Variants in YWHAE observed in about 807,000 individuals in gnomAD.
YWHAE encodes 14-3-3 protein epsilon.
In YWHAE, 4 loss-of-function variants were observed where a neutral mutation model predicts 30.1. The observed-to-expected ratio is 0.13, with a 90% CI of 0.07 to 0.30. The LOEUF is 0.30. Ranked by LOEUF, YWHAE falls within the 10% of genes least tolerant of loss-of-function variation. The pLI, the probability that YWHAE is intolerant of heterozygous loss-of-function variation, is 1.00. For synonymous variants in YWHAE, 118 were observed against 111.8 expected (o/e 1.06, Z -0.35); for missense variants, 121 against 315.9 (o/e 0.38, Z 4.68).
intron 1 of YWHAE, among the ~76,000 whole-genome samples, chr17:1,368,506 C>G (rs976719407): frequency 2.7e-4 from 40 of 149,524 alleles, no homozygotes; most frequent in African/African-American, 8.2e-4. Context: ...AGGGGTTGCA[C>G]TGAGCTGAGA....
At chr17:1,396,008 C>T (rs891539958) in intron 1 of YWHAE, among the ~76,000 whole-genome samples, 2 of 151,976 alleles carry the variant, frequency 1.3e-5, no homozygotes, top group African/African-American at 4.8e-5. Flanking sequence ...ATCCCAGCTA[C>T]TCTTGGAGGC....
chr17:1,397,057 G>A (rs377280052), intron 1 of YWHAE, among the ~76,000 whole-genome samples: 83 of 151,084 alleles, frequency 5.5e-4, no homozygotes, highest in Middle Eastern at 6.8e-3. Flanking sequence ...CAGTAGCTAT[G>A]CCCGGATAAT....
In YWHAE at chr17:1,345,074, C is replaced by T. The variant is rs965726678; in HGVS notation, c.*373G>A. On this transcript the variant is annotated 3_prime_UTR_variant, in exon 6 of 6. Coordinates refer to ENST00000264335, the MANE Select transcript of YWHAE (RefSeq NM_006761.5). Reference sequence around the variant, plus strand: ...TATGCCTCTATAGTGTGATTAACCTCTCTCTTAGATGCTTGCATCACCTAT... The same window carrying T: ...TATGCCTCTATAGTGTGATTAACCTTTCTCTTAGATGCTTGCATCACCTAT... 2 of 283,978 alleles carry T rather than the reference C, an allele frequency of 7.0e-6. No individual in the cohort carries two copies. Among genetic ancestry groups the T allele is most frequent in the Admixed American group, 9.6e-5 (2 of 20,770 alleles). 17.6% of individuals were successfully genotyped at this position (283,978 alleles called of 1,614,324 possible).
chr17:1,350,078 C>T (rs1317186317), intron 5 of YWHAE, among the ~76,000 whole-genome samples: 1 of 151,606 alleles, frequency 6.6e-6, no homozygotes, highest in Non-Finnish European at 1.5e-5. Context: ...TCAGCCTCCC[C>T]AGTAGCTAGG....
At chr17:1,354,111 A>C in intron 5 of YWHAE, 100 bp downstream of exon 5, 2 of 1,451,860 alleles carry the variant, frequency 1.4e-6, no homozygotes, top group Non-Finnish European at 1.8e-6. Flanking sequence ...GTGAATCTAA[A>C]TTCTAGCTTG....
chr17:1,353,892 G>A (rs1008503573), intron 5 of YWHAE, among the ~76,000 whole-genome samples: 4 of 152,046 alleles, frequency 2.6e-5, no homozygotes, highest in Non-Finnish European at 5.9e-5. Context: ...AATACCTACT[G>A]ATACCATCTG....
At chr17:1,365,834 C>G (rs1034628428) in intron 1 of YWHAE, among the ~76,000 whole-genome samples, 2 of 152,084 alleles carry the variant, frequency 1.3e-5, no homozygotes, top group Non-Finnish European at 2.9e-5. Context: ...CATTTTAGGG[C>G]CAGGAGTAAG....
At chr17:1,390,328 TG>T (rs1201147689) in intron 1 of YWHAE, among the ~76,000 whole-genome samples, 5 of 152,240 alleles carry the variant, frequency 3.3e-5, no homozygotes, top group African/African-American at 1.2e-4. Flanking sequence ...AATTTACAGA[TG>T]TAAGATTAAG....
chr17:1,395,567 T>C (rs1352603543), intron 1 of YWHAE, among the ~76,000 whole-genome samples: 7 of 152,124 alleles, frequency 4.6e-5, no homozygotes, highest in Non-Finnish European at 8.8e-5. Context: ...TGTCTATGCA[T>C]TTAAGAAGGA....
intron 4 of YWHAE, among the ~76,000 whole-genome samples, chr17:1,360,692 G>A (rs942313416): frequency 1.3e-5 from 2 of 152,148 alleles, no homozygotes; most frequent in African/African-American, 4.8e-5. Context: ...CTTGAACCCA[G>A]GAGGTGAAGG....
intron 5 of YWHAE, among the ~76,000 whole-genome samples, chr17:1,353,789 GC>G (rs2072682087): frequency 6.6e-6 from 1 of 150,690 alleles, no homozygotes; most frequent in Non-Finnish European, 1.5e-5. Flanking sequence ...AGACCCAAGG[GC>G]CAACATTCAA....
chr17:1,369,258 G>C (rs2072993213), intron 1 of YWHAE, among the ~76,000 whole-genome samples: 1 of 152,110 alleles, frequency 6.6e-6, no homozygotes, highest in Non-Finnish European at 1.5e-5. Flanking sequence ...AACCTTGGGA[G>C]GCCGAGGTGG....
intron 1 of YWHAE, among the ~76,000 whole-genome samples, chr17:1,368,473 G>A (rs1172926443): frequency 6.6e-6 from 1 of 151,520 alleles, no homozygotes; most frequent in Non-Finnish European, 1.5e-5. Flanking sequence ...CTGAGGCAGG[G>A]GAATCGCTTG....
chr17:1,381,742 CCT>C (rs1051852799), intron 1 of YWHAE, among the ~76,000 whole-genome samples: 2 of 151,488 alleles, frequency 1.3e-5, no homozygotes, highest in African/African-American at 4.9e-5. Flanking sequence ...ATGGCGAAAC[CCT>C]GTCTCTACAA....
intron 1 of YWHAE, among the ~76,000 whole-genome samples, chr17:1,368,177 G>A (rs902661078): frequency 1.1e-4 from 17 of 151,962 alleles, no homozygotes; most frequent in Non-Finnish European, 2.1e-4. Context: ...ACCTGAGGTC[G>A]GGAGATCGAG....
In YWHAE at chr17:1,354,287, G is replaced by C. The variant is rs776960456; in HGVS notation, c.639C>G (p.Ser213Arg). The C allele has an allele frequency of 6.2e-7, 1 of 1,614,134 alleles. No individual in the cohort carries two copies. The highest frequency in any genetic ancestry group is 2.2e-5 in the East Asian group (1 of 44,888). The change falls in exon 5 of 6, where the codon AGC (serine) becomes AGG (arginine). Residue 213 changes from serine to arginine, a missense_variant. Physicochemically the swap from Ser to Arg is moderately radical, Grantham distance 110 (BLOSUM62 -1). Around this residue, in one of 2 missense-constraint regions of YWHAE, gnomAD observed 99 missense variants for 289.3 expected, o/e 0.34. Transcript: ENST00000264335. Reference protein sequence around the residue: ...IAELDTLSEESYKDSTLIMQL... With the variant: ...IAELDTLSEERYKDSTLIMQL... ...GCATGATAAGTGTAGAGTCCTTATAGCTTTCTTCACTCAGCGTATCCAGTT... is the reference window on the plus strand; with the variant it reads ...GCATGATAAGTGTAGAGTCCTTATACCTTTCTTCACTCAGCGTATCCAGTT...
At chr17:1,360,196 A>T (rs1370923926) in intron 4 of YWHAE, among the ~76,000 whole-genome samples, 2 of 152,088 alleles carry the variant, frequency 1.3e-5, no homozygotes, top group Non-Finnish European at 2.9e-5. Flanking sequence ...TCCTGATCTC[A>T]GGTGACCCAC....
intron 4 of YWHAE, among the ~76,000 whole-genome samples, chr17:1,355,652 G>A (rs1223729194): frequency 6.6e-6 from 1 of 151,810 alleles, no homozygotes; most frequent in South Asian, 2.1e-4. Flanking sequence ...CAAACGATAC[G>A]ATATACCAAT....
chr17:1,376,228 A>G (rs1325099476), intron 1 of YWHAE, among the ~76,000 whole-genome samples: 2 of 152,184 alleles, frequency 1.3e-5, no homozygotes, highest in East Asian at 1.9e-4. Context: ...TAGAGGGGAA[A>G]TAACTGGTTT....
Sources: allele counts gnomAD v4.1 joint callset (sites outside exome capture counted in the v4.1 genomes callset), GRCh38; gene constraint gnomAD v4.1.1; regional missense constraint gnomAD v4.1.1; transcripts MANE v1.5; gene names NCBI Gene and HGNC (gene_info 2026-07-23, HGNC 2026-07-21).